GNMT: variants seen among roughly 807,000 people sequenced by gnomAD.
GNMT encodes glycine N-methyltransferase, also known as epididymis secretory sperm binding protein Li 182mP.
Under a neutral mutation model 30.2 loss-of-function variants are expected in GNMT, and 26 were observed. The ratio of observed to expected loss-of-function variants is 0.86; its 90% confidence interval spans 0.63 to 1.19. GNMT has a LOEUF of 1.19. Among genes scored for constraint, GNMT ranks in the 50% most tolerant of loss-of-function variants. GNMT has a pLI of 0.00. For synonymous variants in GNMT, 163 were observed against 163.8 expected (o/e 1.00, Z 0.04); for missense variants, 365 against 398.1 (o/e 0.92, Z 0.71).
chr6:42,962,400 G>T (rs1581750127), intron 2 of GNMT, 61 bp downstream of exon 2: 2 of 1,587,934 alleles, frequency 1.3e-6, no homozygotes, highest in East Asian at 4.5e-5. Context: ...CATTCTGCCT[G>T]GGGCTCCTTT....
chr6:42,963,091 G>T lies in GNMT; in HGVS notation c.471G>T (p.Arg157=), dbSNP rs1366554705. 6.2e-7 allele frequency: 1 copy of T among 1,612,148 alleles called. No homozygotes were observed. The highest frequency in any genetic ancestry group is 1.3e-5 in the African/African-American group (1 of 74,836). ...PDCKGDQSEH[R]LALKNIASMV... ...GCTCAGGGGACCAGAGTGAGCACCG[G>T]CTGGCGCTGAAAAACATTGCGAGCA... The change falls in exon 4 of 6, where the codon CGG becomes CGT. Residue 157 remains arginine, a synonymous_variant. Transcript: ENST00000372808.
rs1769506258 is a variant in GNMT, at chr6:42,963,084, A to C, written c.464A>C (p.Glu155Ala). The C allele has an allele frequency of 1.9e-6, 3 of 1,612,080 alleles. No individual in the cohort carries two copies. The highest frequency in any genetic ancestry group is 2.5e-6 in the Non-Finnish European group (3 of 1,179,990). The change falls in exon 4 of 6, where the codon GAG becomes GCG. Residue 155 changes from glutamate (E) to alanine (A), a missense_variant. Glu to Ala is a moderately radical substitution (Grantham distance 107, BLOSUM62 -1). Around this residue, in one of 3 missense-constraint regions of GNMT, gnomAD observed 232 missense variants for 263.0 expected, o/e 0.88. Coordinates refer to ENST00000372808, the MANE Select transcript of GNMT (RefSeq NM_018960.6). ...HLPDCKGDQSEHRLALKNIAS... is the reference protein window; with the variant it reads ...HLPDCKGDQSAHRLALKNIAS... ...GCCTGGAGCTCAGGGGACCAGAGTGAGCACCGGCTGGCGCTGAAAAACATT... is the reference window on the plus strand; with the variant it reads ...GCCTGGAGCTCAGGGGACCAGAGTGCGCACCGGCTGGCGCTGAAAAACATT...
intron 3 of GNMT, 30 bp downstream of exon 3, chr6:42,962,908 C>A (rs758952866): frequency 6.3e-7 from 1 of 1,589,396 alleles, no homozygotes; most frequent in Admixed American, 1.7e-5. Context: ...TGGGCATGGC[C>A]CCCGCCTTGA....
rs1423245690 is a variant in GNMT, at chr6:42,962,763, C to T, written c.336C>T (p.Val112=). The T allele has an allele frequency of 5.0e-6, 8 of 1,609,196 alleles. No homozygotes were observed. The highest frequency in any genetic ancestry group is 1.3e-5 in the African/African-American group (1 of 74,830). ...CCTCTTTCTCTTCCTGACCCCTAGT[C>T]ATCGAAGAAGCCAACTGGATGACTC... ...RRHEPAFDKW[V]IEEANWMTLD... is the part of the protein sequence containing the mutation. Residue 112 remains valine (V), a splice_region_variant and synonymous_variant, in exon 3 of 6, where the codon GTC becomes GTT. Transcript: ENST00000372808.
chr6:42,961,579 AGTC>A (rs1271480072), intron 1 of GNMT, among the ~76,000 whole-genome samples: 1 of 125,442 alleles, frequency 8.0e-6, no homozygotes, highest in Non-Finnish European at 1.6e-5. Context: ...TTTGAGATGA[AGTC>A]GTGCTCTGTC....
In GNMT at chr6:42,963,063, G is replaced by C; in HGVS notation, c.452-9G>C. 1 of 1,611,510 alleles carries C rather than the reference G, an allele frequency of 6.2e-7. No homozygotes were observed. The highest frequency in any genetic ancestry group is 8.5e-7 in the Non-Finnish European group (1 of 1,179,974). On this transcript the variant is annotated splice_polypyrimidine_tract_variant and intron_variant, in intron 3 of 5. Coordinates refer to ENST00000372808, the MANE Select transcript of GNMT (RefSeq NM_018960.6). The stretch of plus-strand genomic sequence containing the variant: ...AGATGGAGTCTTTCTGCCCGTGCCT[G>C]GAGCTCAGGGGACCAGAGTGAGCAC...
chr6:42,960,912 C>T lies in GNMT; in HGVS notation c.145C>T (p.Leu49=), dbSNP rs1581746295. Reference sequence around the variant, plus strand: ...CCGCACCGCCGAGTACAAGGCATGGCTGCTTGGGCTGCTGCGCCAGCACGG... The same window carrying T: ...CCGCACCGCCGAGTACAAGGCATGGTTGCTTGGGCTGCTGCGCCAGCACGG... ...RSRTAEYKAW[L]LGLLRQHGCQ... is the part of the protein sequence containing the mutation. Residue 49 remains leucine, a synonymous_variant, in exon 1 of 6, where the codon CTG becomes TTG. Transcript: ENST00000372808. The T allele has an allele frequency of 6.4e-7, 1 of 1,562,408 alleles. No individual in the cohort carries two copies. The highest frequency in any genetic ancestry group is 8.6e-7 in the Non-Finnish European group (1 of 1,158,166).
intron 1 of GNMT, 93 bp downstream of exon 1, chr6:42,961,066 C>T (rs2114224157): frequency 9.0e-7 from 1 of 1,116,556 alleles, no homozygotes; most frequent in South Asian, 1.6e-5. Context: ...CCGGGCACGT[C>T]AGGGCGGCCT....
In GNMT at chr6:42,963,645, A is replaced by G. The variant is rs767379802; in HGVS notation, c.827A>G (p.Tyr276Cys). 1.9e-6 allele frequency: 3 copies of G among 1,614,026 alleles called. No homozygotes were observed. The African/African-American group carries it at 4.0e-5, about 22-fold the overall frequency. ...AGCGTCCTGGGCGACTTCAAGCCTT[A>G]CAAGCCAGGCCAAACCTACATTCCC... ...QHSVLGDFKP[Y>C]KPGQTYIPCY... is the part of the protein sequence containing the mutation. Residue 276 changes from tyrosine (Y) to cysteine (C), a missense_variant, in exon 6 of 6, where the codon TAC (tyrosine) becomes TGC (cysteine). Transcript: ENST00000372808.
chr6:42,962,435 G>A, intron 2 of GNMT, 96 bp downstream of exon 2: 2 of 1,350,328 alleles, frequency 1.5e-6, no homozygotes, highest in Admixed American at 1.8e-5. Flanking sequence ...GTGGAGTGTT[G>A]TGTTTTCCTC....
chr6:42,962,721 A>G lies in GNMT; in HGVS notation c.335-41A>G, dbSNP rs115749165. On this transcript the variant is annotated intron_variant, in intron 2 of 5. Coordinates refer to ENST00000372808, the MANE Select transcript of GNMT (RefSeq NM_018960.6). ...GGTGGAGGTGGCTGCTACTGGTACC[A>G]TCGTGCCTCCCTGATTCCTCTTTCT... 6,527 of 1,395,580 alleles carry G rather than the reference A, an allele frequency of 4.7e-3. 222 individuals are homozygous for G. The African/African-American group carries it at 0.08, about 17-fold the overall frequency. The allele number at this position is 1,395,580 out of a possible 1,614,324, so 86.4% of individuals were successfully genotyped here.
Position 42,963,416 on chromosome 6 carries a change from C to T in GNMT, c.683C>T (p.Pro228Leu), listed in dbSNP as rs764303705. Residue 228 changes from proline to leucine, a missense_variant, in exon 5 of 6, where the codon CCG becomes CTG. Physicochemically the swap from Pro to Leu is moderately conservative, Grantham distance 98. Coordinates refer to ENST00000372808, the MANE Select transcript of GNMT (RefSeq NM_018960.6). The stretch of plus-strand genomic sequence containing the variant: ...ACCCTGGACTATACGGTGCAGGTGC[C>T]GGGGGCTGGCCAGGATGGCTCTCCT... ...MVTLDYTVQVPGAGQDGSPGL... is the reference protein window; with the variant it reads ...MVTLDYTVQVLGAGQDGSPGL... 1.7e-5 allele frequency: 27 copies of T among 1,613,826 alleles called. No homozygotes were observed. The East Asian group carries it at 4.0e-4, about 24-fold the overall frequency.
chr6:42,961,902 A>G (rs947257083), intron 1 of GNMT, among the ~76,000 whole-genome samples: 4 of 152,032 alleles, frequency 2.6e-5, no homozygotes, highest in Non-Finnish European at 4.4e-5. Context: ...GTGCACACGT[A>G]TTTTAACTTC....
chr6:42,962,259 TG>T lies in GNMT; in HGVS notation c.256del (p.Asp86MetfsTer7). Reference sequence around the variant, plus strand: ...GAAGAGGGCTTCAGTGTGACGAGTGTGGATGCCAGTGACAAGATGCTGAAGT... The same window carrying T: ...GAAGAGGGCTTCAGTGTGACGAGTGTGATGCCAGTGACAAGATGCTGAAGT... The part of the protein sequence containing the change: ...LVEEGFSVTS[V>X]DASDKMLKYA... On this transcript the variant is annotated frameshift_variant, in exon 2 of 6. Transcript: ENST00000372808. LOFTEE classifies it high-confidence loss of function. 1 of 1,614,062 alleles carries T rather than the reference TG, an allele frequency of 6.2e-7. No individual in the cohort carries two copies. Among genetic ancestry groups the T allele is most frequent in the Non-Finnish European group, 8.5e-7 (1 of 1,179,966 alleles).
rs752763722 is a variant in GNMT at position 42,963,404 on chromosome 6, C to T, written c.671C>T (p.Thr224Met). The T allele has an allele frequency of 1.2e-5, 20 of 1,613,558 alleles. No individual in the cohort carries two copies. The highest frequency in any genetic ancestry group is 2.2e-5 in the East Asian group (1 of 44,884). Residue 224 changes from threonine (T) to methionine (M), a missense_variant, in exon 5 of 6, where the codon ACG (threonine) becomes ATG (methionine). Transcript: ENST00000372808. Reference protein sequence around the residue: ...NKAHMVTLDYTVQVPGAGQDG... With the variant: ...NKAHMVTLDYMVQVPGAGQDG... ...GCCCACATGGTGACCCTGGACTATACGGTGCAGGTGCCGGGGGCTGGCCAG... is the reference window on the plus strand; with the variant it reads ...GCCCACATGGTGACCCTGGACTATATGGTGCAGGTGCCGGGGGCTGGCCAG...
intron 1 of GNMT, 56 bp downstream of exon 1, chr6:42,961,029 G>C: frequency 7.3e-7 from 1 of 1,377,224 alleles, no homozygotes; most frequent in Non-Finnish European, 9.8e-7. Flanking sequence ...GTCTCAGCCT[G>C]TACTGCGCGG....
chr6:42,963,245 G>A (rs1454329880), intron 4 of GNMT, 31 bp downstream of exon 4: 1 of 888,796 alleles, frequency 1.1e-6, no homozygotes, highest in Non-Finnish European at 1.6e-6. Context: ...GGTGGGGGTG[G>A]GGGTGGGGGT....
intron 2 of GNMT, 103 bp from the exon 3 acceptor site, chr6:42,962,659 G>A (rs1769470584): frequency 1.2e-6 from 1 of 868,838 alleles, no homozygotes; most frequent in African/African-American, 1.6e-5. Flanking sequence ...CGGGGAGCTT[G>A]TGTGTCTTAA....
chr6:42,963,844 G>A lies in GNMT; in HGVS notation c.*138G>A, dbSNP rs1018494042. ...GTGCAGGGATGTGGGTTCCACAGAC[G>A]GAAGGGTAAACAATATAGTCTTTTT... On this transcript the variant is annotated 3_prime_UTR_variant, in exon 6 of 6. Transcript: ENST00000372808. The A allele has an allele frequency of 1.2e-5, 9 of 782,044 alleles. No homozygotes were observed. Among genetic ancestry groups the A allele is most frequent in the South Asian group, 4.3e-5 (3 of 69,056 alleles). The allele number at this position is 782,044 out of a possible 1,614,324, so 48.4% of individuals were successfully genotyped here. A position where few individuals can be genotyped will look rare whatever the true frequency, so the allele number is the denominator to read the frequency against.
Sources: gnomAD v4.1 joint callset for allele counts (sites outside exome capture counted in the v4.1 genomes callset) on GRCh38, gnomAD v4.1.1 for gene constraint, gnomAD v4.1.1 regional missense constraint, MANE v1.5 for transcripts, NCBI Gene and HGNC (gene_info 2026-07-23, HGNC 2026-07-21) for gene names.